Variants in CD2AP observed in about 807,000 individuals in gnomAD.
The protein encoded by CD2AP is CD2-associated protein.
Under a neutral mutation model 85.1 loss-of-function variants are expected in CD2AP, and 46 were observed. That is an observed-to-expected ratio of 0.54 (90% CI 0.43 to 0.69). The LOEUF (loss-of-function observed/expected upper bound fraction) is 0.69, where lower values mean the gene tolerates loss of function less well. Ranked by LOEUF, CD2AP falls within the 30% of genes least tolerant of loss-of-function variation. The pLI, the probability that CD2AP is intolerant of heterozygous loss-of-function variation, is 0.00. For missense variants in CD2AP, 769 were observed against 729.5 expected, an observed-to-expected ratio of 1.05 and a Z score of -0.62; for synonymous variants, 255 against 252.9, an observed-to-expected ratio of 1.01 and a Z score of -0.08.
At chr6:47,607,890 G>T (rs756669897) in intron 14 of CD2AP, 37 bp from the exon 15 acceptor site, 2 of 1,358,706 alleles carry the variant, frequency 1.5e-6, no homozygotes, top group East Asian at 2.3e-5. Context: ...CTTTTCTTTG[G>T]TCTATTATGT....
At chr6:47,612,222 C>T (rs1424153007) in intron 16 of CD2AP, among the ~76,000 whole-genome samples, 1 of 152,080 alleles carries the variant, frequency 6.6e-6, no homozygotes, top group Non-Finnish European at 1.5e-5. Flanking sequence ...GATATTATTT[C>T]TGTCTTCGTG....
At chr6:47,541,290 A>C (rs970953583) in intron 3 of CD2AP, among the ~76,000 whole-genome samples, 1 of 151,820 alleles carries the variant, frequency 6.6e-6, no homozygotes, top group Non-Finnish European at 1.5e-5. Flanking sequence ...CGCCCGGCTA[A>C]TTTTTTTGTA....
chr6:47,553,511 GA>G (rs1279683977), intron 4 of CD2AP, among the ~76,000 whole-genome samples: 2 of 119,362 alleles, frequency 1.7e-5, no homozygotes, highest in Non-Finnish European at 3.4e-5. Context: ...CACACCTAGT[GA>G]ATTTTTTTTT....
chr6:47,482,516 C>G (rs1453147662), intron 1 of CD2AP, among the ~76,000 whole-genome samples: 1 of 151,728 alleles, frequency 6.6e-6, no homozygotes, highest in African/African-American at 2.4e-5. Flanking sequence ...GTAGCTGGGA[C>G]TACAGGCACG....
chr6:47,479,014 T>G (rs1765380356), intron 1 of CD2AP, among the ~76,000 whole-genome samples: 1 of 152,224 alleles, frequency 6.6e-6, no homozygotes, highest in South Asian at 2.1e-4. Flanking sequence ...GCAGTCCGGG[T>G]TGAAAAGGAG....
At position 47,478,065 on chromosome 6, in the gene CD2AP, A is replaced by T; in HGVS notation, c.-180A>T. On this transcript the variant is annotated 5_prime_UTR_variant, in exon 1 of 18. Coordinates refer to ENST00000359314, the MANE Select transcript of CD2AP (RefSeq NM_012120.3). The stretch of plus-strand genomic sequence containing the variant: ...TGCCTCTGCCTCGAGGGCCGCGCTG[A>T]AGAGACTGGTAGGAGAGCGCCGCGG... 2.6e-6 allele frequency: 2 copies of T among 770,594 alleles called. No individual in the cohort carries two copies. Among genetic ancestry groups the T allele is most frequent in the Admixed American group, 2.4e-5 (1 of 40,904 alleles). 47.7% of individuals were successfully genotyped at this position (770,594 alleles called of 1,614,324 possible).
chr6:47,548,861 A>G (rs530312517), intron 4 of CD2AP, among the ~76,000 whole-genome samples: 193 of 152,346 alleles, frequency 1.3e-3, no homozygotes, highest in Non-Finnish European at 2.2e-3. Flanking sequence ...CACCACGATC[A>G]AGTGGGTTTC....
At chr6:47,580,821 A>T (rs1336321113) in intron 9 of CD2AP, 43 bp from the exon 10 acceptor site, 1 of 1,414,854 alleles carries the variant, frequency 7.1e-7, no homozygotes, top group South Asian at 1.2e-5. Flanking sequence ...ACTATATTTG[A>T]TATGAAACTG....
chr6:47,533,739 CA>C lies in CD2AP; in HGVS notation c.308del (p.Asn103ThrfsTer27). 1 of 1,613,888 alleles carries C rather than the reference CA, an allele frequency of 6.2e-7. No individual in the cohort carries two copies. Among genetic ancestry groups the C allele is most frequent in the Non-Finnish European group, 8.5e-7 (1 of 1,179,902 alleles). ...AGGIQPHPQT[K>X]NIKKKTKKRQ... ...GAGGAATTCAGCCACATCCACAAAC[CA>C]AAAACATTAAGAAGAGTATGTAAAT... is the stretch of plus-strand genomic sequence containing the variant. On this transcript the variant is annotated frameshift_variant, in exon 3 of 18. Transcript: ENST00000359314. LOFTEE classifies it high-confidence loss of function.
chr6:47,525,244 A>G (rs1185288332), intron 2 of CD2AP, among the ~76,000 whole-genome samples: 1 of 152,114 alleles, frequency 6.6e-6, no homozygotes, highest in African/African-American at 2.4e-5. Context: ...CTTATTCTTT[A>G]GTAATACCAC....
At chr6:47,576,988 T>G (rs1363227675) in intron 7 of CD2AP, 21 bp from the exon 8 acceptor site, 2 of 1,212,336 alleles carry the variant, frequency 1.6e-6, no homozygotes, top group African/African-American at 1.5e-5. Flanking sequence ...TGAGCCACAT[T>G]ATTTACATTC....
Position 47,478,189 on chromosome 6 carries a change from ACT to A in CD2AP, c.-55_-54del, listed in dbSNP as rs1491024865. On this transcript the variant is annotated 5_prime_UTR_variant, in exon 1 of 18. Coordinates refer to ENST00000359314, the MANE Select transcript of CD2AP (RefSeq NM_012120.3). ...CGCGGGAGCGGCCGCGCGAGCCACC[ACT>A]GGAGGAGGAGGAGGAGGAGCGGACG... The A allele has an allele frequency of 1.3e-6, 2 of 1,553,412 alleles. No homozygotes were observed. Among genetic ancestry groups the A allele is most frequent in the Non-Finnish European group, 1.7e-6 (2 of 1,149,034 alleles).
At chr6:47,511,243 A>T (rs1766306929) in intron 2 of CD2AP, among the ~76,000 whole-genome samples, 1 of 152,166 alleles carries the variant, frequency 6.6e-6, no homozygotes, top group Non-Finnish European at 1.5e-5. Flanking sequence ...CCTTTGTGGT[A>T]TTCTTCCCCA....
intron 13 of CD2AP, among the ~76,000 whole-genome samples, chr6:47,602,156 A>G (rs753950755): frequency 1.3e-5 from 2 of 152,042 alleles, no homozygotes; most frequent in African/African-American, 2.4e-5. Flanking sequence ...GTGTATATAT[A>G]AACTATGTAT....
At chr6:47,563,994 A>AAGAT (rs1203404315) in intron 5 of CD2AP, among the ~76,000 whole-genome samples, 1 of 152,202 alleles carries the variant, frequency 6.6e-6, no homozygotes, top group African/African-American at 2.4e-5. Flanking sequence ...ATTGTATTGA[A>AAGAT]AGATAGAAAA....
At chr6:47,561,922 C>G (rs915648195) in intron 5 of CD2AP, among the ~76,000 whole-genome samples, 1 of 152,152 alleles carries the variant, frequency 6.6e-6, no homozygotes, top group Non-Finnish European at 1.5e-5. Context: ...GCGCCCACCA[C>G]CACACCCAGC....
At chr6:47,516,530 C>A (rs1766457819) in intron 2 of CD2AP, among the ~76,000 whole-genome samples, 1 of 152,150 alleles carries the variant, frequency 6.6e-6, no homozygotes, top group South Asian at 2.1e-4. Context: ...TGTGTGTTGA[C>A]TGGTACTCAT....
chr6:47,582,300 A>G (rs956249003), intron 11 of CD2AP: 7 of 410,760 alleles, frequency 1.7e-5, no homozygotes, highest in Non-Finnish European at 3.2e-5. Flanking sequence ...CAGTTATTTC[A>G]CAGACTGTAT....
intron 2 of CD2AP, among the ~76,000 whole-genome samples, chr6:47,513,642 A>C (rs1405874213): frequency 6.6e-6 from 1 of 151,902 alleles, no homozygotes; most frequent in East Asian, 1.9e-4. Context: ...ATAGTATTCC[A>C]TTGTCCGGCT....
Sources: gnomAD v4.1 joint callset for allele counts (sites outside exome capture counted in the v4.1 genomes callset) on GRCh38, gnomAD v4.1.1 for gene constraint, MANE v1.5 for transcripts, NCBI Gene and HGNC (gene_info 2026-07-23, HGNC 2026-07-21) for gene names.